Variants in TMTC1 observed in about 807,000 individuals in gnomAD.
TMTC1 encodes the protein transmembrane O-mannosyltransferase targeting cadherins 1, also known as protein O-mannosyl-transferase TMTC1.
TMTC1 carries 73 observed loss-of-function variants against 104.8 expected under a neutral mutation model. The observed-to-expected ratio is 0.70, with a 90% CI of 0.58 to 0.85. The LOEUF is 0.85. Ranked by LOEUF, TMTC1 falls within the 40% of genes least tolerant of loss-of-function variation. TMTC1 has a pLI of 0.00. For synonymous variants in TMTC1, 434 were observed against 428.7 expected (o/e 1.01, Z -0.15); for missense variants, 1,035 against 1,096.1 (o/e 0.94, Z 0.79).
intron 5 of TMTC1, among the ~76,000 whole-genome samples, chr12:29,671,127 A>G (rs61474886): frequency 0.017 from 2,637 of 151,042 alleles, 45 homozygotes; most frequent in African/African-American, 0.045. Flanking sequence ...CCCCATCTCT[A>G]CTAAAAATAC....
intron 5 of TMTC1, among the ~76,000 whole-genome samples, chr12:29,677,877 T>A (rs1267553929): frequency 6.6e-6 from 1 of 152,252 alleles, no homozygotes; most frequent in African/African-American, 2.4e-5. Context: ...AATTGCTCTA[T>A]TTTATTATGT....
At chr12:29,671,259 C>T (rs997910657) in intron 5 of TMTC1, among the ~76,000 whole-genome samples, 1 of 151,334 alleles carries the variant, frequency 6.6e-6, no homozygotes, top group African/African-American at 2.4e-5. Flanking sequence ...GCGATTGCAC[C>T]ACTGCACTCC....
At chr12:29,555,846 G>A (rs1032643547) in intron 10 of TMTC1, among the ~76,000 whole-genome samples, 1 of 152,084 alleles carries the variant, frequency 6.6e-6, no homozygotes, top group African/African-American at 2.4e-5. Context: ...ACCCAGTAAT[G>A]GGATTGCTGG....
At position 29,505,431 on chromosome 12, in the gene TMTC1, T is replaced by A. The variant is rs1206174802; in HGVS notation, c.*1415A>T. 6.6e-6 allele frequency: 1 copy of A among 152,204 alleles called. No homozygotes were observed. The highest frequency in any genetic ancestry group is 2.4e-5 in the African/African-American group (1 of 41,448). The allele number at this position is 152,204 out of a possible 1,614,324, so 9.4% of individuals were successfully genotyped here. ...CCAAAATATACTACTGCCAAAAAAC[T>A]GAAGGCTGATTCCTCACATCTCTTT... is the stretch of plus-strand genomic sequence containing the variant. On this transcript the variant is annotated 3_prime_UTR_variant, in exon 18 of 18. Transcript: ENST00000539277.
intron 5 of TMTC1, among the ~76,000 whole-genome samples, chr12:29,736,223 C>T (rs920694329): frequency 7.2e-6 from 1 of 138,338 alleles, no homozygotes; most frequent in East Asian, 2.3e-4. Flanking sequence ...TTAAGGTAGA[C>T]TTGAGCTCCA....
intron 5 of TMTC1, among the ~76,000 whole-genome samples, chr12:29,703,569 T>TA (rs1941661663): frequency 6.6e-6 from 1 of 152,200 alleles, no homozygotes; most frequent in Non-Finnish European, 1.5e-5. Flanking sequence ...TTGCTCGGAT[T>TA]AAATTATGCT....
chr12:29,543,956 T>C (rs1944872224), intron 10 of TMTC1, among the ~76,000 whole-genome samples: 1 of 151,878 alleles, frequency 6.6e-6, no homozygotes, highest in Non-Finnish European at 1.5e-5. Flanking sequence ...TTTTAAAAAA[T>C]ATTTTCGCCA....
intron 5 of TMTC1, among the ~76,000 whole-genome samples, chr12:29,668,662 T>C: frequency 6.6e-6 from 1 of 152,104 alleles, no homozygotes; most frequent in East Asian, 1.9e-4. Context: ...GGTTTTGCCA[T>C]GTTGGCCAGG....
intron 5 of TMTC1, among the ~76,000 whole-genome samples, chr12:29,691,772 G>A (rs1193889102): frequency 7.1e-6 from 1 of 141,802 alleles, no homozygotes; most frequent in Non-Finnish European, 1.5e-5. Context: ...GGAGGTCTGA[G>A]AGAGGACACA....
chr12:29,606,666 G>T (rs568687138), intron 6 of TMTC1, among the ~76,000 whole-genome samples: 2 of 152,142 alleles, frequency 1.3e-5, no homozygotes, highest in Non-Finnish European at 2.9e-5. Context: ...AAGAGTGCAG[G>T]TATAAACAGA....
intron 1 of TMTC1, among the ~76,000 whole-genome samples, chr12:29,774,134 A>G (rs1356193016): frequency 6.6e-6 from 1 of 152,128 alleles, no homozygotes; most frequent in Non-Finnish European, 1.5e-5. Context: ...AGATTTTAGC[A>G]TCTCAACCTC....
chr12:29,611,798 G>C (rs1395106837), intron 6 of TMTC1, among the ~76,000 whole-genome samples: 12 of 152,200 alleles, frequency 7.9e-5, no homozygotes, highest in Non-Finnish European at 5.9e-5. Flanking sequence ...GTTTCACACA[G>C]ATGGGGCAGG....
intron 6 of TMTC1, among the ~76,000 whole-genome samples, chr12:29,631,189 C>T (rs527280721): frequency 6.6e-6 from 1 of 152,250 alleles, no homozygotes; most frequent in East Asian, 1.9e-4. Flanking sequence ...AATATTTTCT[C>T]CCAATTTGTG....
At chr12:29,616,105 G>GC (rs1017272480) in intron 6 of TMTC1, among the ~76,000 whole-genome samples, 3 of 152,270 alleles carry the variant, frequency 2.0e-5, no homozygotes, top group African/African-American at 7.2e-5. Flanking sequence ...GCTTTGTGAA[G>GC]CCCCCCAGTA....
intron 5 of TMTC1, among the ~76,000 whole-genome samples, chr12:29,739,503 C>T (rs2136939315): frequency 6.6e-6 from 1 of 152,252 alleles, no homozygotes; most frequent in East Asian, 1.9e-4. Context: ...TTGCACTTGC[C>T]ATCCTCAGTG....
chr12:29,661,902 C>T (rs1444977793), intron 5 of TMTC1, among the ~76,000 whole-genome samples: 1 of 152,030 alleles, frequency 6.6e-6, no homozygotes, highest in Non-Finnish European at 1.5e-5. Context: ...GGATCCTGCC[C>T]TGCTGTAGCT....
At chr12:29,601,838 C>CTTT (rs546200177) in intron 7 of TMTC1, among the ~76,000 whole-genome samples, 2 of 137,380 alleles carry the variant, frequency 1.5e-5, no homozygotes, top group Admixed American at 7.4e-5. Flanking sequence ...ATAATCATCT[C>CTTT]TTTTTTTTTT....
chr12:29,716,466 A>C (rs1046736638), intron 5 of TMTC1, among the ~76,000 whole-genome samples: 1 of 152,174 alleles, frequency 6.6e-6, no homozygotes, highest in Non-Finnish European at 1.5e-5. Context: ...TCAAAGATTA[A>C]AAAATAACAT....
intron 9 of TMTC1, among the ~76,000 whole-genome samples, chr12:29,567,877 A>C (rs1255898072): frequency 6.6e-6 from 1 of 152,268 alleles, no homozygotes; most frequent in Non-Finnish European, 1.5e-5. Context: ...AAAAGGAATT[A>C]TAATAAAGTA....
Sources: allele counts gnomAD v4.1 joint callset (sites outside exome capture counted in the v4.1 genomes callset), GRCh38; gene constraint gnomAD v4.1.1; transcripts MANE v1.5; gene names NCBI Gene and HGNC (gene_info 2026-07-23, HGNC 2026-07-21).